The following SLC4A8 variants were observed in gnomAD, a reference collection of about 807,000 sequenced individuals.
SLC4A8 encodes the protein electroneutral sodium bicarbonate exchanger 1.
SLC4A8 carries 40 observed loss-of-function variants against 125.0 expected under a neutral mutation model. The observed-to-expected ratio is 0.32, with a 90% CI of 0.25 to 0.42. The LOEUF (loss-of-function observed/expected upper bound fraction) is 0.42, where lower values mean the gene tolerates loss of function less well. Among genes scored for constraint, SLC4A8 ranks in the 10% least tolerant of loss-of-function variants. The pLI is 1.00. For synonymous variants in SLC4A8, 456 were observed against 476.0 expected, an observed-to-expected ratio of 0.96 and a Z score of 0.55; for missense variants, 863 against 1,355.1, an observed-to-expected ratio of 0.64 and a Z score of 5.70.
upstream of SLC4A8, chr12:51,424,472 C>A (rs1226207145): frequency 6.5e-6 from 1 of 153,568 alleles, no homozygotes; most frequent in Non-Finnish European, 1.5e-5. Context: ...GCCCTCTCCC[C>A]TCATCCGCAA....
rs1949939536 is a variant in SLC4A8, at chr12:51,450,800, C to G, written c.131-76C>G. 8 of 1,513,568 alleles carry G rather than the reference C, an allele frequency of 5.3e-6. No homozygotes were observed. The Admixed American group carries it at 7.1e-5, about 13-fold the overall frequency. 93.8% of individuals were successfully genotyped at this position (1,513,568 alleles called of 1,614,324 possible). Reference sequence around the variant, plus strand: ...GAACTGTGATATTTTTTTCTCTTAACTATGCTAGGCTTTTTGTTGTTGTTG... The same window carrying G: ...GAACTGTGATATTTTTTTCTCTTAAGTATGCTAGGCTTTTTGTTGTTGTTG... On this transcript the variant is annotated intron_variant, in intron 2 of 24. Transcript: ENST00000453097.
intron 4 of SLC4A8, 49 bp downstream of exon 4, chr12:51,452,308 G>C: frequency 1.2e-6 from 2 of 1,605,700 alleles, no homozygotes; most frequent in Non-Finnish European, 8.5e-7. Flanking sequence ...GTAGGCAAGT[G>C]TGTACCCTTC....
At chr12:51,475,982 A>C (rs1950842451) in intron 16 of SLC4A8, among the ~76,000 whole-genome samples, 1 of 152,214 alleles carries the variant, frequency 6.6e-6, no homozygotes, top group African/African-American at 2.4e-5. Flanking sequence ...ATATAAAAGG[A>C]AGGTGGGTGA....
chr12:51,487,718 C>T (rs892845755), intron 17 of SLC4A8, among the ~76,000 whole-genome samples: 3 of 152,200 alleles, frequency 2.0e-5, no homozygotes, highest in Non-Finnish European at 4.4e-5. Flanking sequence ...TGGAGAGGAT[C>T]CTAGGTCAAA....
rs1950432243 is a variant in SLC4A8, at chr12:51,463,921, A to G, written c.1349+207A>G. On this transcript the variant is annotated intron_variant, in intron 11 of 24. Transcript: ENST00000453097. ...ATTCAAGTTTCTCAAATCACCTACC[A>G]TGTTTTGTCTCACCTCCAGTCCTTC... Among the ~76,000 whole-genome samples the G allele has an allele frequency of 2.0e-5, 3 of 152,108 alleles. No individual in the cohort carries two copies. The South Asian group carries it at 6.2e-4, about 32-fold the overall frequency.
At chr12:51,476,349 C>G (rs1006599485) in intron 16 of SLC4A8, among the ~76,000 whole-genome samples, 5 of 152,060 alleles carry the variant, frequency 3.3e-5, no homozygotes, top group African/African-American at 9.7e-5. Flanking sequence ...GGCATGGTAG[C>G]ACATGCCTGT....
intron 16 of SLC4A8, among the ~76,000 whole-genome samples, chr12:51,481,800 A>T (rs1951035557): frequency 6.6e-6 from 1 of 151,860 alleles, no homozygotes; most frequent in Admixed American, 6.6e-5. Context: ...TAAAAAAAAA[A>T]AATTAGCCAG....
chr12:51,396,973 A>G (rs1267469746), intron 1 of SLC4A8, among the ~76,000 whole-genome samples: 2 of 116,058 alleles, frequency 1.7e-5, no homozygotes, highest in Admixed American at 2.5e-4. Flanking sequence ...TCTGTCGCCC[A>G]GGCTGGAATG....
intron 3 of SLC4A8, 72 bp from the exon 4 acceptor site, chr12:51,452,052 G>A: frequency 6.9e-7 from 1 of 1,449,590 alleles, no homozygotes; most frequent in Non-Finnish European, 9.7e-7. Flanking sequence ...AAAGTTGTTA[G>A]GTAAGGAAGA....
At chr12:51,494,745 T>C in intron 20 of SLC4A8, 200 bp from the exon 21 acceptor site, 1 of 462,216 alleles carries the variant, frequency 2.2e-6, no homozygotes, top group Non-Finnish European at 3.9e-6. Flanking sequence ...TTAGAAAAGA[T>C]GGATTCAAAT....
chr12:51,428,132 G>T (rs1398643617), intron 1 of SLC4A8, among the ~76,000 whole-genome samples: 1 of 152,140 alleles, frequency 6.6e-6, no homozygotes, highest in Non-Finnish European at 1.5e-5. Context: ...CCAGGATGCT[G>T]TTTTACCCAG....
intron 1 of SLC4A8, among the ~76,000 whole-genome samples, chr12:51,404,916 C>T (rs1025433578): frequency 4.6e-5 from 7 of 151,750 alleles, no homozygotes; most frequent in Admixed American, 3.3e-4. Context: ...CACTTTCAAC[C>T]AAAAGAATCT....
chr12:51,407,172 G>A (rs769746327), intron 1 of SLC4A8, among the ~76,000 whole-genome samples: 5 of 152,196 alleles, frequency 3.3e-5, no homozygotes, highest in Non-Finnish European at 7.3e-5. Flanking sequence ...TGACTGACGG[G>A]AGGAGCCCTC....
At chr12:51,437,796 A>G (rs1949467189) in intron 1 of SLC4A8, among the ~76,000 whole-genome samples, 1 of 152,230 alleles carries the variant, frequency 6.6e-6, no homozygotes, top group Non-Finnish European at 1.5e-5. Flanking sequence ...TGACCTGACA[A>G]TATGAGCAAA....
intron 1 of SLC4A8, among the ~76,000 whole-genome samples, chr12:51,400,772 A>ATAAACATATATGTT (rs1948366655): frequency 2.0e-4 from 1 of 4,928 alleles, no homozygotes; most frequent in African/African-American, 7.5e-4. Flanking sequence ...ATATATATAT[A>ATAAACATATATGTT]TATATACATA....
upstream of SLC4A8, among the ~76,000 whole-genome samples, chr12:51,419,908 C>G (rs1321936321): frequency 6.6e-6 from 1 of 152,126 alleles, no homozygotes; most frequent in African/African-American, 2.4e-5. Flanking sequence ...GCTTGGCTCT[C>G]AGCTTTTGTG....
At chr12:51,424,059 AAAAC>A (rs1565762193), upstream of SLC4A8, among the ~76,000 whole-genome samples, 283 of 66,140 alleles carry the variant, frequency 4.3e-3, 9 homozygotes, top group East Asian at 0.033. Flanking sequence ...AAAAACAAAA[AAAAC>A]AACAAAAAAA....
chr12:51,398,045 A>G (rs1164996197), intron 1 of SLC4A8, among the ~76,000 whole-genome samples: 1 of 152,138 alleles, frequency 6.6e-6, no homozygotes, highest in Admixed American at 6.5e-5. Context: ...AAGTGCTAGG[A>G]TTAAATCCGT....
chr12:51,453,151 A>G (rs1368696592), intron 4 of SLC4A8, among the ~76,000 whole-genome samples: 6 of 152,256 alleles, frequency 3.9e-5, no homozygotes, highest in African/African-American at 1.4e-4. Flanking sequence ...CAAATGATAT[A>G]GATTAAATCT....
Sources: allele counts gnomAD v4.1 joint callset (sites outside exome capture counted in the v4.1 genomes callset), GRCh38; gene constraint gnomAD v4.1.1; transcripts MANE v1.5; gene names NCBI Gene and HGNC (gene_info 2026-07-23, HGNC 2026-07-21).